FLRT2: variants seen among roughly 807,000 people sequenced by gnomAD.
FLRT2 encodes fibronectin leucine rich transmembrane protein 2.
In FLRT2, 15 loss-of-function variants were observed where a neutral mutation model predicts 40.0. The ratio of observed to expected loss-of-function variants is 0.38; its 90% CI spans 0.25 to 0.58. The LOEUF (loss-of-function observed/expected upper bound fraction) is 0.58. FLRT2 is among the 20% of genes least tolerant of loss of function. FLRT2 has a pLI of 0.71. For missense variants in FLRT2, 726 were observed against 840.0 expected, an observed-to-expected ratio of 0.86 and a Z score of 1.68; for synonymous variants, 380 against 336.8, an observed-to-expected ratio of 1.13 and a Z score of -1.41.
At chr14:85,584,297 A>G (rs1231563555) in intron 1 of FLRT2, among the ~76,000 whole-genome samples, 1 of 152,230 alleles carries the variant, frequency 6.6e-6, no homozygotes, top group Non-Finnish European at 1.5e-5. Flanking sequence ...GTATTGACTC[A>G]GGACATTGCA....
intron 1 of FLRT2, among the ~76,000 whole-genome samples, chr14:85,553,525 G>A (rs1485341636): frequency 1.3e-5 from 2 of 152,082 alleles, no homozygotes; most frequent in African/African-American, 4.8e-5. Flanking sequence ...GAATTTTGTT[G>A]GCCCATGGGC....
intron 1 of FLRT2, among the ~76,000 whole-genome samples, chr14:85,606,335 T>C (rs1892611657): frequency 6.6e-6 from 1 of 152,174 alleles, no homozygotes; most frequent in Non-Finnish European, 1.5e-5. Context: ...GGAAATTTTC[T>C]GCTACATATA....
rs1893896287 is a variant in FLRT2 at position 85,632,320 on chromosome 14, A to C, written c.*8823A>C. 1 of 151,740 alleles carries C rather than the reference A, an allele frequency of 6.6e-6. No individual in the cohort carries two copies. Among genetic ancestry groups the C allele is most frequent in the Non-Finnish European group, 1.5e-5 (1 of 68,012 alleles). The allele number at this position is 151,740 out of a possible 1,614,324, so 9.4% of individuals were successfully genotyped here. A position where few individuals can be genotyped will look rare whatever the true frequency, so the allele number is the denominator to read the frequency against. On this transcript the variant is annotated 3_prime_UTR_variant, in exon 2 of 2. Coordinates refer to ENST00000330753, the MANE Select transcript of FLRT2 (RefSeq NM_013231.6). ...CCCTGTCTCTACTAAAAATACAAAA[A>C]ATTTAGCCGGGCTTGGTGGTGCGTG...
rs1258943953 is a variant in FLRT2 at position 85,624,915 on chromosome 14, T to C, written c.*1418T>C. 6.0e-6 allele frequency: 1 copy of C among 167,110 alleles called. No homozygotes were observed. Among genetic ancestry groups the C allele is most frequent in the African/African-American group, 2.4e-5 (1 of 41,472 alleles). The allele number at this position is 167,110 out of a possible 1,614,324, so 10.4% of individuals were successfully genotyped here. On this transcript the variant is annotated 3_prime_UTR_variant, in exon 2 of 2. Coordinates refer to ENST00000330753, the MANE Select transcript of FLRT2 (RefSeq NM_013231.6). ...TCCTGTTCCACTTTTGAAATTTTAT[T>C]TGTTCCTTTTCCATCGTGGATGTTC...
chr14:85,534,471 C>T (rs1163484647), intron 1 of FLRT2, among the ~76,000 whole-genome samples: 1 of 152,178 alleles, frequency 6.6e-6, no homozygotes. Context: ...CCCCTTTTGA[C>T]ATCCCTGGAA....
At chr14:85,531,216 G>C (rs1414911350) in intron 1 of FLRT2, 3 of 152,322 alleles carry the variant, frequency 2.0e-5, no homozygotes, top group African/African-American at 7.2e-5. Context: ...GGCGGAATCC[G>C]GATCGAGTGA....
intron 1 of FLRT2, among the ~76,000 whole-genome samples, chr14:85,541,093 C>A (rs1023635540): frequency 2.0e-5 from 3 of 152,018 alleles, no homozygotes; most frequent in African/African-American, 7.2e-5. Context: ...GTGATGTAAC[C>A]CAAATAGTTT....
intron 1 of FLRT2, among the ~76,000 whole-genome samples, chr14:85,601,366 C>A (rs936696145): frequency 2.0e-5 from 3 of 152,152 alleles, no homozygotes; most frequent in Non-Finnish European, 4.4e-5. Context: ...ACAGCATGAT[C>A]CTAATAAAGA....
intron 1 of FLRT2, among the ~76,000 whole-genome samples, chr14:85,607,809 G>A (rs1426055434): frequency 1.3e-5 from 2 of 152,168 alleles, no homozygotes; most frequent in Non-Finnish European, 2.9e-5. Context: ...AGCTCATACT[G>A]CCCGAACAAA....
chr14:85,565,167 G>A (rs1890562239), intron 1 of FLRT2, among the ~76,000 whole-genome samples: 1 of 152,170 alleles, frequency 6.6e-6, no homozygotes, highest in Non-Finnish European at 1.5e-5. Context: ...AAACAGTTTT[G>A]TTTTGTTTTA....
At chr14:85,557,063 GC>G (rs1890010229) in intron 1 of FLRT2, among the ~76,000 whole-genome samples, 3 of 152,184 alleles carry the variant, frequency 2.0e-5, no homozygotes, top group African/African-American at 7.2e-5. Flanking sequence ...GGGGGAAACT[GC>G]CCCCATGATT....
chr14:85,583,622 A>G (rs948671316), intron 1 of FLRT2, among the ~76,000 whole-genome samples: 8 of 152,202 alleles, frequency 5.3e-5, no homozygotes, highest in African/African-American at 1.9e-4. Context: ...AGTCAGGATC[A>G]GAGCTCCTGG....
chr14:85,622,242 C>T lies in FLRT2; in HGVS notation c.728C>T (p.Ser243Phe), dbSNP rs777515859. ...TTTTCAATTGTACGTAATTCGCTGT[C>T]CCACCCTCCTCCCGATCTCCCAGGT... ...KEFSIVRNSL[S>F]HPPPDLPGTH... The change falls in exon 2 of 2, where the codon TCC becomes TTC. Residue 243 changes from serine to phenylalanine, a missense_variant. Coordinates refer to ENST00000330753, the MANE Select transcript of FLRT2 (RefSeq NM_013231.6). 6.2e-7 allele frequency: 1 copy of T among 1,614,122 alleles called. No homozygotes were observed. Among genetic ancestry groups the T allele is most frequent in the Non-Finnish European group, 8.5e-7 (1 of 1,180,024 alleles).
intron 1 of FLRT2, among the ~76,000 whole-genome samples, chr14:85,550,140 C>T (rs1452369991): frequency 6.6e-6 from 1 of 152,110 alleles, no homozygotes; most frequent in Non-Finnish European, 1.5e-5. Flanking sequence ...CTCTTAAAAA[C>T]AACTGCATGT....
At position 85,628,155 on chromosome 14, in the gene FLRT2, G is replaced by A. The variant is rs376140159; in HGVS notation, c.*4658G>A. The A allele has an allele frequency of 2.0e-5, 3 of 151,944 alleles. No individual in the cohort carries two copies. Among genetic ancestry groups the A allele is most frequent in the Non-Finnish European group, 2.9e-5 (2 of 67,990 alleles). The allele number at this position is 151,944 out of a possible 1,614,324, so 9.4% of individuals were successfully genotyped here. On this transcript the variant is annotated 3_prime_UTR_variant, in exon 2 of 2. Coordinates refer to ENST00000330753, the MANE Select transcript of FLRT2 (RefSeq NM_013231.6). ...TCCCAACTAAATTGTGTGTTCCTAC[G>A]AATACCTTTTAGGTATGCACACATA...
At chr14:85,586,707 CACACACAT>C (rs1408521889) in intron 1 of FLRT2, among the ~76,000 whole-genome samples, 2 of 152,052 alleles carry the variant, frequency 1.3e-5, no homozygotes, top group Non-Finnish European at 2.9e-5. Context: ...CACACACACA[CACACACAT>C]ATCTCAAAGT....
In FLRT2 at chr14:85,631,132, A is replaced by ATAT. The variant is rs1555372977; in HGVS notation, c.*7635_*7636insTAT. 1.4e-5 allele frequency: 2 copies of ATAT among 139,540 alleles called. No individual in the cohort carries two copies. The highest frequency in any genetic ancestry group is 2.1e-4 in the East Asian group (1 of 4,666). The allele number at this position is 139,540 out of a possible 1,614,324, so 8.6% of individuals were successfully genotyped here. A position where few individuals can be genotyped will look rare whatever the true frequency, so the allele number is the denominator to read the frequency against. ...AGATTTTATATATATATATATATGA[A>ATAT]ATGAGCAAACAAAATGCTTTCAGTT... On this transcript the variant is annotated 3_prime_UTR_variant, in exon 2 of 2. Transcript: ENST00000330753.
intron 1 of FLRT2, among the ~76,000 whole-genome samples, chr14:85,560,229 A>G (rs1890220655): frequency 6.6e-6 from 1 of 152,240 alleles, no homozygotes. Context: ...ACATACAGTT[A>G]ATTGAAACTA....
At chr14:85,611,054 C>T (rs1369567197) in intron 1 of FLRT2, among the ~76,000 whole-genome samples, 1 of 152,142 alleles carries the variant, frequency 6.6e-6, no homozygotes, top group African/African-American at 2.4e-5. Context: ...TGGCACCACA[C>T]CCAGCTAGTT....
Sources: gnomAD v4.1 joint callset for allele counts (sites outside exome capture counted in the v4.1 genomes callset) on GRCh38, gnomAD v4.1.1 for gene constraint, MANE v1.5 for transcripts, NCBI Gene and HGNC (gene_info 2026-07-23, HGNC 2026-07-21) for gene names.